Variants in PARD6G observed in about 807,000 individuals in gnomAD.
PARD6G encodes partitioning defective 6 homolog gamma.
PARD6G carries 7 observed loss-of-function variants against 10.7 expected under a neutral mutation model. That is an observed-to-expected ratio of 0.66 (90% CI 0.37 to 1.23). PARD6G has a LOEUF of 1.23. Ranked by LOEUF, PARD6G falls within the 50% of genes most tolerant of loss-of-function variation. The pLI is 0.02. For synonymous variants in PARD6G, 287 were observed against 269.4 expected (o/e 1.07, Z -0.64); for missense variants, 548 against 571.8 (o/e 0.96, Z 0.42).
At chr18:80,219,332 C>T (rs536028701) in intron 1 of PARD6G, among the ~76,000 whole-genome samples, 1 of 152,248 alleles carries the variant, frequency 6.6e-6, no homozygotes, top group Admixed American at 6.5e-5. Context: ...CCTCAGCCAC[C>T]TGAATAGCTA....
intron 1 of PARD6G, among the ~76,000 whole-genome samples, chr18:80,241,982 T>C (rs924856651): frequency 3.3e-5 from 5 of 152,324 alleles, no homozygotes; most frequent in Middle Eastern, 3.4e-3. Context: ...TCCTTGATAT[T>C]CCTTCACTTC....
chr18:80,210,993 A>C (rs1021239839), intron 1 of PARD6G, among the ~76,000 whole-genome samples: 6 of 151,216 alleles, frequency 4.0e-5, no homozygotes, highest in African/African-American at 1.5e-4. Context: ...GGAACTATTC[A>C]CATTTAGTTC....
intron 2 of PARD6G, among the ~76,000 whole-genome samples, chr18:80,177,218 G>GCACGCA (rs1555734817): frequency 1.0e-5 from 1 of 98,784 alleles, no homozygotes; most frequent in African/African-American, 4.6e-5. Context: ...AATGGGAAGC[G>GCACGCA]CACACACACA....
At chr18:80,166,315 A>G (rs964554814) in intron 2 of PARD6G, among the ~76,000 whole-genome samples, 1 of 151,168 alleles carries the variant, frequency 6.6e-6, no homozygotes, top group African/African-American at 2.4e-5. Flanking sequence ...AAGCAGAACA[A>G]AGGCCCAGAT....
At chr18:80,226,075 T>C (rs900513440) in intron 1 of PARD6G, among the ~76,000 whole-genome samples, 3 of 150,126 alleles carry the variant, frequency 2.0e-5, no homozygotes, top group Non-Finnish European at 3.0e-5. Context: ...TATAACCACA[T>C]AGCTCAATAT....
intron 2 of PARD6G, chr18:80,178,577 G>C (rs1426087495): frequency 6.6e-6 from 1 of 152,340 alleles, no homozygotes; most frequent in Non-Finnish European, 1.5e-5. Flanking sequence ...TTTGCTTTAG[G>C]AAGGCCTCCG....
chr18:80,195,506 A>T (rs1413717997), intron 2 of PARD6G, among the ~76,000 whole-genome samples: 2 of 143,464 alleles, frequency 1.4e-5, no homozygotes, highest in African/African-American at 2.6e-5. Flanking sequence ...AAATTCAAAG[A>T]TCAGGAGTTC....
At chr18:80,190,865 T>C (rs894949574) in intron 2 of PARD6G, among the ~76,000 whole-genome samples, 1 of 152,154 alleles carries the variant, frequency 6.6e-6, no homozygotes, top group Non-Finnish European at 1.5e-5. Context: ...ACAGAGCTCA[T>C]TAAATCCCAG....
chr18:80,165,997 G>A (rs570659410), intron 2 of PARD6G, among the ~76,000 whole-genome samples: 15 of 152,060 alleles, frequency 9.9e-5, no homozygotes, highest in Admixed American at 2.0e-4. Flanking sequence ...CAGCAGAATC[G>A]CTTCCAGACA....
chr18:80,194,961 CGTCTCACTGTGT>C (rs1966937348), intron 2 of PARD6G, among the ~76,000 whole-genome samples: 1 of 152,076 alleles, frequency 6.6e-6, no homozygotes, highest in South Asian at 2.1e-4. Flanking sequence ...GCCACTGTTG[CGTCTCACTGTGT>C]GGCTGGGGAA....
rs1170970106 is a variant in PARD6G at position 80,231,684 on chromosome 18, T to C, written c.72+15593A>G. Among the ~76,000 whole-genome samples the C allele has an allele frequency of 6.6e-6, 1 of 152,166 alleles. No homozygotes were observed. Among genetic ancestry groups the C allele is most frequent in the East Asian group, 1.9e-4 (1 of 5,202 alleles). ...GAGACTCTAATATGAACACATGTCC[T>C]GTGTTCAATATAGGCCCTGGTGAGC... On this transcript the variant is annotated intron_variant, in intron 1 of 2. Transcript: ENST00000353265. This position sits in a 1 kb window ranked among gnomAD's most constrained non-coding sequence, Gnocchi z 4.2.
intron 2 of PARD6G, among the ~76,000 whole-genome samples, chr18:80,179,444 G>A (rs542654592): frequency 4.6e-5 from 7 of 152,210 alleles, no homozygotes; most frequent in African/African-American, 9.6e-5. Context: ...TGCCCTCAGC[G>A]GGCCACTGGC....
chr18:80,160,081 G>C lies in PARD6G; in HGVS notation c.821C>G (p.Ala274Gly), dbSNP rs2052686952. 2.5e-6 allele frequency: 4 copies of C among 1,587,132 alleles called. No individual in the cohort carries two copies. The highest frequency in any genetic ancestry group is 3.5e-5 in the Admixed American group (2 of 57,880). ...GSSGPPSDGTAGFVGPPAPRV... is the reference protein window; with the variant it reads ...GSSGPPSDGTGGFVGPPAPRV... Reference sequence around the variant, plus strand: ...CGGGGCGGGGGGACCCACGAAGCCCGCGGTGCCGTCCGAGGGCGGTCCCGA... The same window carrying C: ...CGGGGCGGGGGGACCCACGAAGCCCCCGGTGCCGTCCGAGGGCGGTCCCGA... The change falls in exon 3 of 3, where the codon GCG becomes GGG. Residue 274 changes from alanine to glycine, a missense_variant. Physicochemically the swap from Ala to Gly is moderately conservative, Grantham distance 60 (BLOSUM62 0). Coordinates refer to ENST00000353265, the MANE Select transcript of PARD6G (RefSeq NM_032510.4).
rs2052896900 is a variant in PARD6G at position 80,189,653 on chromosome 18, GCA to G, written c.295+13055_295+13056del. ...GGCCCCACAGTCCTCCCTGCCTGGC[GCA>G]CAGACCCTCTGGACAAAAACAGCTT... On this transcript the variant is annotated intron_variant, in intron 2 of 2. Coordinates refer to ENST00000353265, the MANE Select transcript of PARD6G (RefSeq NM_032510.4). This position sits in a 1 kb window ranked among gnomAD's most constrained non-coding sequence, Gnocchi z 5.5. Among the ~76,000 whole-genome samples the G allele has an allele frequency of 6.6e-6, 1 of 152,064 alleles. No individual in the cohort carries two copies. The highest frequency in any genetic ancestry group is 2.4e-5 in the African/African-American group (1 of 41,400).
chr18:80,227,761 T>C (rs1967308797), intron 1 of PARD6G, among the ~76,000 whole-genome samples: 1 of 151,858 alleles, frequency 6.6e-6, no homozygotes, highest in Non-Finnish European at 1.5e-5. Flanking sequence ...CCACCCCACA[T>C]CCTTCCCTTC....
intron 1 of PARD6G, among the ~76,000 whole-genome samples, chr18:80,236,822 A>T (rs910201313): frequency 1.3e-5 from 2 of 152,214 alleles, no homozygotes; most frequent in Non-Finnish European, 2.9e-5. Context: ...AAGGAGAACT[A>T]CAAACCACTG....
chr18:80,194,148 C>T (rs1228369803), intron 2 of PARD6G, among the ~76,000 whole-genome samples: 1 of 152,216 alleles, frequency 6.6e-6, no homozygotes, highest in Admixed American at 6.5e-5. Flanking sequence ...CAACGAGCTA[C>T]TTTTCATTAG....
At chr18:80,227,141 A>G (rs1490795835) in intron 1 of PARD6G, among the ~76,000 whole-genome samples, 2 of 152,160 alleles carry the variant, frequency 1.3e-5, no homozygotes, top group African/African-American at 2.4e-5. Context: ...ATATATATGT[A>G]TTTGTAGAGA....
intron 2 of PARD6G, among the ~76,000 whole-genome samples, chr18:80,163,262 C>T (rs1010246993): frequency 6.6e-6 from 1 of 152,132 alleles, no homozygotes; most frequent in Non-Finnish European, 1.5e-5. Flanking sequence ...GGAGAAGAGA[C>T]TAAGGTTTTA....
Sources: allele counts gnomAD v4.1 joint callset (sites outside exome capture counted in the v4.1 genomes callset), GRCh38; gene constraint gnomAD v4.1.1; non-coding constraint Gnocchi (gnomAD v3.1); transcripts MANE v1.5; gene names NCBI Gene and HGNC (gene_info 2026-07-23, HGNC 2026-07-21).